The following XIAP variants were observed in gnomAD, a reference collection of about 807,000 sequenced individuals.
XIAP encodes X-linked inhibitor of apoptosis.
XIAP carries 3 observed loss-of-function variants against 33.1 expected under a neutral mutation model. The observed-to-expected ratio is 0.09, with a 90% CI of 0.04 to 0.23. The LOEUF (loss-of-function observed/expected upper bound fraction) is 0.23. Ranked by LOEUF, XIAP falls within the 10% of genes least tolerant of loss-of-function variation. XIAP has a pLI of 1.00. For synonymous variants in XIAP, 98 were observed against 121.3 expected (o/e 0.81, Z 1.26); for missense variants, 264 against 363.0 (o/e 0.73, Z 2.22).
chrX:123,862,361 G>A (rs1365195302), intron 1 of XIAP, among the ~76,000 whole-genome samples: 1 of 104,680 alleles, frequency 9.6e-6, no homozygotes, highest in African/African-American at 3.5e-5. Flanking sequence ...GAGCCACCTC[G>A]CCTGGCCAGT....
At position 123,910,454 on chromosome X, in the gene XIAP, T is replaced by C. The variant is rs750019912; in HGVS notation, c.*3273T>C. The C allele has an allele frequency of 8.2e-5, 27 of 328,177 alleles. No individual in the cohort carries two copies. Among genetic ancestry groups the C allele is most frequent in the Non-Finnish European group, 1.5e-4 (26 of 169,806 alleles). The allele number at this position is 328,177 out of a possible 1,213,427, so 27.0% of individuals were successfully genotyped here. A position where few individuals can be genotyped will look rare whatever the true frequency, so the allele number is the denominator to read the frequency against. On this transcript the variant is annotated 3_prime_UTR_variant, in exon 7 of 7. Coordinates refer to ENST00000371199, the MANE Select transcript of XIAP (RefSeq NM_001167.4). Reference sequence around the variant, plus strand: ...GCCCCAGCATTAGTTTCACATGATATACCCTTTAAACCCGAATCATTGTTT... The same window carrying C: ...GCCCCAGCATTAGTTTCACATGATACACCCTTTAAACCCGAATCATTGTTT...
chrX:123,900,635 A>G lies in XIAP; in HGVS notation c.1242A>G (p.Leu414=), dbSNP rs147262472. The G allele has an allele frequency of 3.8e-5, 46 of 1,209,660 alleles. No individual in the cohort carries two copies. In the African/African-American group the frequency reaches 4.4e-4, roughly 12 times the overall value. Residue 414 remains leucine (L), a synonymous_variant, in exon 6 of 7, where the codon CTA becomes CTG. Coordinates refer to ENST00000371199, the MANE Select transcript of XIAP (RefSeq NM_001167.4). ...YKSLEVLVAD[L]VNAQKDSMQD... The stretch of plus-strand genomic sequence containing the variant: ...CACTTGAGGTTCTGGTTGCAGATCT[A>G]GTGAATGCTCAGAAAGACAGTATGC...
In XIAP at chrX:123,913,593, T is replaced by C. The variant is rs1273057556; in HGVS notation, c.*6412T>C. ...TTTTTGGAGTTTACCACTTTCTTAT[T>C]CTGTATCATTAATGTAATATTTTAA... On this transcript the variant is annotated 3_prime_UTR_variant, in exon 7 of 7. Coordinates refer to ENST00000371199, the MANE Select transcript of XIAP (RefSeq NM_001167.4). 1 of 321,283 alleles carries C rather than the reference T, an allele frequency of 3.1e-6. No individual in the cohort carries two copies. The highest frequency in any genetic ancestry group is 6.0e-6 in the Non-Finnish European group (1 of 167,834). The allele number at this position is 321,283 out of a possible 1,213,427, so 26.5% of individuals were successfully genotyped here. A position where few individuals can be genotyped will look rare whatever the true frequency, so the allele number is the denominator to read the frequency against.
In XIAP at chrX:123,912,528, C is replaced by T. The variant is rs1015374935; in HGVS notation, c.*5347C>T. The T allele has an allele frequency of 9.3e-6, 3 of 324,065 alleles. No individual in the cohort carries two copies. Among genetic ancestry groups the T allele is most frequent in the East Asian group, 9.8e-5 (1 of 10,202 alleles). 26.7% of individuals were successfully genotyped at this position (324,065 alleles called of 1,213,427 possible). On this transcript the variant is annotated 3_prime_UTR_variant, in exon 7 of 7. Transcript: ENST00000371199. ...TGTGTGCCTGTAGTCCTGGCTACTC[C>T]GGAGCCTGAGGTGGGAGGATCGCTT...
chrX:123,879,081 TCTGTGCTGTGAGCCAGGCCTGGAA>T (rs2053272976), intron 1 of XIAP: 1 of 111,506 alleles, frequency 9.0e-6, no homozygotes, highest in Non-Finnish European at 1.9e-5. Flanking sequence ...AGTTCATAGT[TCTGTGCTGTGAGCCAGGCCTGGAA>T]CAAGCCAGGA....
In XIAP at chrX:123,912,690, T is replaced by G. The variant is rs766452796; in HGVS notation, c.*5509T>G. On this transcript the variant is annotated 3_prime_UTR_variant, in exon 7 of 7. Transcript: ENST00000371199. ...CATACATTATATGCAAATACTGTTT[T>G]TTTTTTTTTTAATTTAAACAGTCTC... 4.4e-5 allele frequency: 14 copies of G among 321,468 alleles called. No homozygotes were observed. In the East Asian group the frequency reaches 5.9e-4, roughly 14 times the overall value. The allele number at this position is 321,468 out of a possible 1,213,427, so 26.5% of individuals were successfully genotyped here.
intron 1 of XIAP, among the ~76,000 whole-genome samples, chrX:123,866,042 G>A (rs917251419): frequency 5.4e-5 from 6 of 110,582 alleles, no homozygotes; most frequent in Non-Finnish European, 1.1e-4. Flanking sequence ...CTGGGTTCAG[G>A]CAATTCTCCT....
chrX:123,899,492 A>T (rs1424427947), intron 5 of XIAP, among the ~76,000 whole-genome samples: 2 of 107,817 alleles, frequency 1.9e-5, no homozygotes, highest in African/African-American at 6.7e-5. Context: ...GAACATTCCC[A>T]CAACCCTAGA....
At chrX:123,866,683 A>T (rs1284733269) in intron 1 of XIAP, among the ~76,000 whole-genome samples, 1 of 103,388 alleles carries the variant, frequency 9.7e-6, no homozygotes, top group Non-Finnish European at 1.9e-5. Context: ...TTACATATAT[A>T]ATATATATAT....
chrX:123,903,265 T>A (rs1225630141), intron 6 of XIAP, among the ~76,000 whole-genome samples: 2 of 101,550 alleles, frequency 2.0e-5, no homozygotes, highest in African/African-American at 7.3e-5. Context: ...CTTGGCTCAC[T>A]GCAACCTCCA....
At chrX:123,861,581 T>G (rs924557545) in intron 1 of XIAP, among the ~76,000 whole-genome samples, 2 of 111,927 alleles carry the variant, frequency 1.8e-5, no homozygotes, top group Non-Finnish European at 3.8e-5. Context: ...AGAAGAGAGA[T>G]AGAAGACTTT....
Position 123,886,345 on chromosome X carries a change from T to G in XIAP, c.683T>G (p.Phe228Cys), listed in dbSNP as rs140973844. 1.4e-5 allele frequency: 17 copies of G among 1,210,357 alleles called. No individual in the cohort carries two copies. The highest frequency in any genetic ancestry group is 1.9e-5 in the Non-Finnish European group (17 of 895,413). ...SEHRRHFPNC[F>C]FVLGRNLNIR... ...CACAGGCGACACTTTCCTAATTGCT[T>G]CTTTGTTTTGGGCCGGAATCTTAAT... The change falls in exon 2 of 7, where the codon TTC (phenylalanine) becomes TGC (cysteine). Residue 228 changes from phenylalanine (F) to cysteine (C), a missense_variant. Transcript: ENST00000371199.
In XIAP at chrX:123,913,861, G is replaced by T. The variant is rs1274439241; in HGVS notation, c.*6680G>T. 6 of 312,933 alleles carry T rather than the reference G, an allele frequency of 1.9e-5. No individual in the cohort carries two copies. The East Asian group carries it at 5.9e-4, about 31-fold the overall frequency. 25.8% of individuals were successfully genotyped at this position (312,933 alleles called of 1,213,427 possible). On this transcript the variant is annotated 3_prime_UTR_variant, in exon 7 of 7. Coordinates refer to ENST00000371199, the MANE Select transcript of XIAP (RefSeq NM_001167.4). ...TTTTTTTCACTTAGAACCTTTCTGT[G>T]TGGAAAACTAAGAAAATTGCTTTCT... is the stretch of plus-strand genomic sequence containing the variant.
intron 1 of XIAP, chrX:123,878,668 G>C (rs1052570958): frequency 2.7e-5 from 3 of 112,704 alleles, no homozygotes; most frequent in South Asian, 3.6e-4. Context: ...TTGTACTACT[G>C]CTAAATTCAC....
intron 1 of XIAP, among the ~76,000 whole-genome samples, chrX:123,884,004 A>G (rs1285523713): frequency 3.6e-5 from 4 of 112,241 alleles, no homozygotes; most frequent in African/African-American, 6.5e-5. Flanking sequence ...ATATTCCAAA[A>G]GTTTTATGCA....
At chrX:123,871,404 A>G (rs2053192323) in intron 1 of XIAP, among the ~76,000 whole-genome samples, 2 of 112,822 alleles carry the variant, frequency 1.8e-5, no homozygotes, top group African/African-American at 6.4e-5. Flanking sequence ...CTCTGTCAGA[A>G]TAAGTTATCT....
chrX:123,903,619 G>GTTTTTTTTTT (rs1163905528), intron 6 of XIAP, among the ~76,000 whole-genome samples: 4 of 55,298 alleles, frequency 7.2e-5, no homozygotes, highest in African/African-American at 2.3e-4. Flanking sequence ...GTTTGTTTCA[G>GTTTTTTTTTT]TTTTTTTTTT....
chrX:123,908,784 G>A lies in XIAP; in HGVS notation c.*1603G>A, dbSNP rs1449999740. 31 of 345,946 alleles carry A rather than the reference G, an allele frequency of 9.0e-5. No homozygotes were observed. The highest frequency in any genetic ancestry group is 1.5e-4 in the Non-Finnish European group (27 of 181,771). 28.5% of individuals were successfully genotyped at this position (345,946 alleles called of 1,213,427 possible). On this transcript the variant is annotated 3_prime_UTR_variant, in exon 7 of 7. Coordinates refer to ENST00000371199, the MANE Select transcript of XIAP (RefSeq NM_001167.4). ...AAAACACTTGAATAAGAATCAGTAG[G>A]GTATAAACTAGAAGTTTAAAAATGC...
intron 1 of XIAP, among the ~76,000 whole-genome samples, chrX:123,881,517 A>G (rs1463864184): frequency 9.0e-6 from 1 of 111,211 alleles, no homozygotes; most frequent in Non-Finnish European, 1.9e-5. Context: ...CACTCTGCTA[A>G]TGTGTATATA....
Sources: gnomAD v4.1 joint callset for allele counts (sites outside exome capture counted in the v4.1 genomes callset) on GRCh38, gnomAD v4.1.1 for gene constraint, MANE v1.5 for transcripts, NCBI Gene and HGNC (gene_info 2026-07-23, HGNC 2026-07-21) for gene names.